Variants in LRRC59 observed in about 807,000 individuals in gnomAD.
The protein encoded by LRRC59 is leucine rich repeat containing 59, also known as leucine-rich repeat-containing protein 59.
A neutral mutation model predicts 33.5 loss-of-function variants in LRRC59; 18 were observed. That is an observed-to-expected ratio of 0.54 (90% CI 0.37 to 0.80). LRRC59 has a LOEUF of 0.80. Ranked by LOEUF, LRRC59 falls within the 30% of genes least tolerant of loss-of-function variation. LRRC59 has a pLI of 0.00. For synonymous variants in LRRC59, 138 were observed against 160.0 expected (o/e 0.86, Z 1.04); for missense variants, 330 against 391.9 (o/e 0.84, Z 1.33).
intron 3 of LRRC59, 52 bp from the exon 4 acceptor site, chr17:50,392,554 C>A: frequency 6.6e-7 from 1 of 1,508,556 alleles, no homozygotes; most frequent in Non-Finnish European, 9.2e-7. Flanking sequence ...AGTTCACATA[C>A]ATAGTCCCTC....
At chr17:50,390,484 C>G (rs1020581028) in intron 4 of LRRC59, among the ~76,000 whole-genome samples, 1 of 149,856 alleles carries the variant, frequency 6.7e-6, no homozygotes, top group South Asian at 2.1e-4. Flanking sequence ...AGAGCAAGAC[C>G]CCATGTCAAA....
intron 4 of LRRC59, among the ~76,000 whole-genome samples, chr17:50,389,517 T>A (rs1222110395): frequency 1.3e-5 from 2 of 152,204 alleles, no homozygotes; most frequent in African/African-American, 2.4e-5. Flanking sequence ...TTGTATTGGC[T>A]GCCTTGTATA....
chr17:50,397,367 G>C lies in LRRC59; in HGVS notation c.-50C>G, dbSNP rs1336862244. 6.8e-7 allele frequency: 1 copy of C among 1,461,106 alleles called. No homozygotes were observed. The highest frequency in any genetic ancestry group is 9.4e-7 in the Non-Finnish European group (1 of 1,063,544). 90.5% of individuals were successfully genotyped at this position (1,461,106 alleles called of 1,614,324 possible). A position where few individuals can be genotyped will look rare whatever the true frequency, so the allele number is the denominator to read the frequency against. On this transcript the variant is annotated 5_prime_UTR_variant, in exon 1 of 7. Transcript: ENST00000225972. ...GGCTCCGGGGTTCCGGCGGGTGAAA[G>C]GAGCTGAAATGTCGCTTGTCAGTTC...
intron 1 of LRRC59, chr17:50,396,359 G>A (rs1041476989): frequency 2.0e-5 from 3 of 152,258 alleles, no homozygotes; most frequent in Admixed American, 6.5e-5. Context: ...AAGGGCACTC[G>A]GCTATTAAGC....
At chr17:50,394,837 A>C in intron 2 of LRRC59, 92 bp downstream of exon 2, 1 of 951,872 alleles carries the variant, frequency 1.1e-6, no homozygotes, top group Non-Finnish European at 1.7e-6. Context: ...ATTACACCTT[A>C]TGACACCCTC....
Position 50,397,514 on chromosome 17 carries a change from C to T in LRRC59, c.-197G>A. 1 of 503,378 alleles carries T rather than the reference C, an allele frequency of 2.0e-6. No individual in the cohort carries two copies. Among genetic ancestry groups the T allele is most frequent in the South Asian group, 2.6e-5 (1 of 39,110 alleles). 31.2% of individuals were successfully genotyped at this position (503,378 alleles called of 1,614,324 possible). ...GCTCCCACCGGTGCCGCGACGACGA[C>T]CACTTCCGTGTCCACGTCACCTTCC... On this transcript the variant is annotated 5_prime_UTR_variant, in exon 1 of 7. Transcript: ENST00000225972.
chr17:50,383,194 T>G lies in LRRC59; in HGVS notation c.718A>C (p.Lys240Gln). The G allele has an allele frequency of 6.4e-7, 1 of 1,558,268 alleles. No homozygotes were observed. Among genetic ancestry groups the G allele is most frequent in the South Asian group, 1.2e-5 (1 of 84,652 alleles). The change falls in exon 7 of 7, where the codon AAG becomes CAG. Residue 240 changes from lysine (K) to glutamine (Q), a missense_variant. Coordinates refer to ENST00000225972, the MANE Select transcript of LRRC59 (RefSeq NM_018509.4). ...GSRPRKPPPR[K>Q]HTRSWAVLKL... ...AGCACAGCCCAGGAACGAGTGTGCT[T>G]CCGGGGTGGTGGCTTGCGGGGACGG...
At chr17:50,395,010 A>G in intron 1 of LRRC59, 22 bp from the exon 2 acceptor site, 7 of 1,573,152 alleles carry the variant, frequency 4.4e-6, no homozygotes, top group Non-Finnish European at 6.1e-6. Context: ...AGGATGAGAA[A>G]AACATGTCAG....
At chr17:50,393,090 A>G (rs1029661801) in intron 2 of LRRC59, among the ~76,000 whole-genome samples, 193 bp from the exon 3 acceptor site, 15 of 152,158 alleles carry the variant, frequency 9.9e-5, no homozygotes, top group African/African-American at 3.6e-4. Flanking sequence ...CAGGGAAGCC[A>G]CAAGATTGGA....
intron 4 of LRRC59, among the ~76,000 whole-genome samples, chr17:50,389,165 A>C (rs1914082102): frequency 2.0e-5 from 3 of 152,164 alleles, no homozygotes; most frequent in African/African-American, 7.2e-5. Context: ...CATGCAGAGG[A>C]GAGCTCCGAG....
intron 2 of LRRC59, 43 bp from the exon 3 acceptor site, chr17:50,392,940 A>T (rs1014759217): frequency 5.8e-6 from 9 of 1,564,540 alleles, no homozygotes; most frequent in Non-Finnish European, 7.0e-6. Context: ...TGTCCAACAC[A>T]CGAGCCACGA....
rs1336862244 is a variant in LRRC59, at chr17:50,397,367, G to A, written c.-50C>T. 6.8e-7 allele frequency: 1 copy of A among 1,461,224 alleles called. No individual in the cohort carries two copies. Among genetic ancestry groups the A allele is most frequent in the South Asian group, 1.2e-5 (1 of 83,730 alleles). 90.5% of individuals were successfully genotyped at this position (1,461,224 alleles called of 1,614,324 possible). A position where few individuals can be genotyped will look rare whatever the true frequency, so the allele number is the denominator to read the frequency against. On this transcript the variant is annotated 5_prime_UTR_variant, in exon 1 of 7. Coordinates refer to ENST00000225972, the MANE Select transcript of LRRC59 (RefSeq NM_018509.4). ...GGCTCCGGGGTTCCGGCGGGTGAAA[G>A]GAGCTGAAATGTCGCTTGTCAGTTC...
At chr17:50,393,893 G>A (rs954264693) in intron 2 of LRRC59, among the ~76,000 whole-genome samples, 2 of 152,200 alleles carry the variant, frequency 1.3e-5, no homozygotes, top group South Asian at 2.1e-4. Flanking sequence ...ATCTTGCTAT[G>A]TTGTCCAGGC....
At chr17:50,391,287 G>C (rs1002715561) in intron 4 of LRRC59, among the ~76,000 whole-genome samples, 8 of 152,180 alleles carry the variant, frequency 5.3e-5, no homozygotes, top group Non-Finnish European at 4.4e-5. Context: ...CTTTGTGCTT[G>C]ATTTGTTGTA....
At chr17:50,388,160 C>T (rs760498327) in intron 4 of LRRC59, 28 bp from the exon 5 acceptor site, 2 of 1,601,224 alleles carry the variant, frequency 1.2e-6, no homozygotes, top group South Asian at 1.1e-5. Context: ...GAAAGTAGTG[C>T]TCTTCATAGT....
At chr17:50,391,953 C>G (rs1034922323) in intron 4 of LRRC59, among the ~76,000 whole-genome samples, 1 of 152,218 alleles carries the variant, frequency 6.6e-6, no homozygotes, top group Non-Finnish European at 1.5e-5. Flanking sequence ...AATCCCAGCA[C>G]TTTGGAAGGC....
intron 4 of LRRC59, among the ~76,000 whole-genome samples, chr17:50,390,733 G>A (rs967919163): frequency 6.6e-6 from 1 of 152,190 alleles, no homozygotes; most frequent in Admixed American, 6.5e-5. Flanking sequence ...CCTGGTCAGA[G>A]CTAGTAAGAC....
chr17:50,392,542 C>T (rs900553637), intron 3 of LRRC59, 40 bp from the exon 4 acceptor site: 2 of 1,548,246 alleles, frequency 1.3e-6, no homozygotes, highest in East Asian at 2.2e-5. Context: ...TCATTAAGCC[C>T]GAGTTCACAT....
intron 5 of LRRC59, among the ~76,000 whole-genome samples, chr17:50,387,629 G>A (rs1209589974): frequency 2.0e-5 from 3 of 152,178 alleles, no homozygotes; most frequent in Non-Finnish European, 4.4e-5. Flanking sequence ...ACCGGAGCTG[G>A]AGAAACAGTC....
Sources: allele counts gnomAD v4.1 joint callset (sites outside exome capture counted in the v4.1 genomes callset), GRCh38; gene constraint gnomAD v4.1.1; transcripts MANE v1.5; gene names NCBI Gene and HGNC (gene_info 2026-07-23, HGNC 2026-07-21).